The following ADAMTSL1 variants were observed in gnomAD, a reference collection of about 807,000 sequenced individuals.
The protein encoded by ADAMTSL1 is ADAMTS-like protein 1.
Under a neutral mutation model 201.8 loss-of-function variants are expected in ADAMTSL1, and 126 were observed. The ratio of observed to expected loss-of-function variants is 0.62; its 90% confidence interval spans 0.54 to 0.72. ADAMTSL1 has a LOEUF of 0.72. ADAMTSL1 is among the 30% of genes least tolerant of loss of function. The pLI, the probability that ADAMTSL1 is intolerant of heterozygous loss-of-function variation, is 0.00. For synonymous variants in ADAMTSL1, 1,121 were observed against 903.4 expected (o/e 1.24, Z -4.32); for missense variants, 2,679 against 2,277.8 (o/e 1.18, Z -3.59).
intron 13 of ADAMTSL1, among the ~76,000 whole-genome samples, chr9:18,691,345 G>C (rs976915867): frequency 6.6e-6 from 1 of 152,130 alleles, no homozygotes; most frequent in African/African-American, 2.4e-5. Context: ...GATATGAACC[G>C]ATGTTTGACA....
At chr9:17,933,846 T>C (rs926476141) in intron 1 of ADAMTSL1, among the ~76,000 whole-genome samples, 1 of 152,104 alleles carries the variant, frequency 6.6e-6, no homozygotes, top group Admixed American at 6.6e-5. Context: ...CTTTGAACAA[T>C]GGGGATTACA....
intron 2 of ADAMTSL1, among the ~76,000 whole-genome samples, chr9:18,164,944 C>G (rs1419480593): frequency 6.6e-6 from 1 of 151,752 alleles, no homozygotes; most frequent in Non-Finnish European, 1.5e-5. Context: ...TCATGGTGAG[C>G]ATTCACATCT....
intron 5 of ADAMTSL1, 74 bp from the exon 6 acceptor site, chr9:18,635,869 C>A: frequency 1.5e-6 from 2 of 1,297,024 alleles, no homozygotes; most frequent in Non-Finnish European, 2.2e-6. Flanking sequence ...GAAGTCAGTG[C>A]CTTTATTTAG....
intron 1 of ADAMTSL1, among the ~76,000 whole-genome samples, chr9:17,979,402 A>C (rs1818592670): frequency 6.6e-6 from 1 of 152,042 alleles, no homozygotes; most frequent in Non-Finnish European, 1.5e-5. Context: ...GATAATTTCA[A>C]ATGTCCTGTC....
intron 2 of ADAMTSL1, among the ~76,000 whole-genome samples, chr9:18,416,845 C>T (rs1237793594): frequency 6.6e-6 from 1 of 151,902 alleles, no homozygotes; most frequent in Non-Finnish European, 1.5e-5. Context: ...AATACTCCTC[C>T]CTCAATAATT....
intron 1 of ADAMTSL1, among the ~76,000 whole-genome samples, chr9:17,940,287 G>A (rs530484812): frequency 1.2e-4 from 19 of 152,248 alleles, no homozygotes; most frequent in Admixed American, 1.2e-3. Flanking sequence ...GACAACTGCA[G>A]AGATGATTTG....
At chr9:17,924,220 C>T (rs1378856128) in intron 1 of ADAMTSL1, among the ~76,000 whole-genome samples, 1 of 151,816 alleles carries the variant, frequency 6.6e-6, no homozygotes, top group Non-Finnish European at 1.5e-5. Flanking sequence ...CTCCTTGTAC[C>T]TCTGGTAGAA....
chr9:18,067,650 C>A (rs578126630), intron 1 of ADAMTSL1, among the ~76,000 whole-genome samples: 1 of 152,230 alleles, frequency 6.6e-6, no homozygotes, highest in South Asian at 2.1e-4. Context: ...GATGGAGGGG[C>A]GGTGAAATAC....
intron 2 of ADAMTSL1, among the ~76,000 whole-genome samples, chr9:18,418,616 A>C (rs1818798919): frequency 6.6e-6 from 1 of 152,228 alleles, no homozygotes; most frequent in Non-Finnish European, 1.5e-5. Context: ...AAAATGGGGA[A>C]AATGATATAG....
At chr9:18,202,313 A>T (rs185234235) in intron 2 of ADAMTSL1, among the ~76,000 whole-genome samples, 1 of 152,242 alleles carries the variant, frequency 6.6e-6, no homozygotes, top group Non-Finnish European at 1.5e-5. Flanking sequence ...GCTATATAAT[A>T]TTCAAACAAT....
chr9:18,154,076 G>T (rs1827040353), intron 1 of ADAMTSL1, among the ~76,000 whole-genome samples: 1 of 151,930 alleles, frequency 6.6e-6, no homozygotes, highest in Non-Finnish European at 1.5e-5. Context: ...CACCTATCAT[G>T]ATCTTAAAAT....
intron 3 of ADAMTSL1, among the ~76,000 whole-genome samples, chr9:18,555,631 C>G (rs975887245): frequency 1.3e-5 from 2 of 151,934 alleles, no homozygotes; most frequent in East Asian, 3.9e-4. Context: ...GCACAGGGTG[C>G]TATGGCATCC....
chr9:18,169,651 A>G (rs934984286), intron 2 of ADAMTSL1, among the ~76,000 whole-genome samples: 4 of 152,076 alleles, frequency 2.6e-5, no homozygotes, highest in Non-Finnish European at 2.9e-5. Context: ...AGTTTTTTCC[A>G]ATTCTGTGAA....
intron 1 of ADAMTSL1, among the ~76,000 whole-genome samples, chr9:18,493,281 C>G (rs543351151): frequency 6.6e-6 from 1 of 152,306 alleles, no homozygotes; most frequent in African/African-American, 2.4e-5. Context: ...CTTTACATCT[C>G]TCTGTGATCT....
intron 5 of ADAMTSL1, among the ~76,000 whole-genome samples, chr9:18,627,321 G>A (rs974247835): frequency 6.6e-6 from 1 of 152,064 alleles, no homozygotes; most frequent in Admixed American, 6.6e-5. Context: ...GTGAGTAGTG[G>A]TATTTCATAC....
Position 17,931,278 on chromosome 9 carries a change from A to C in ADAMTSL1, c.87+24356A>C, listed in dbSNP as rs1288149604. 2.0e-5 allele frequency among the ~76,000 whole-genome samples: 3 copies of C among 152,170 alleles called. No individual in the cohort carries two copies. The East Asian group carries it at 5.8e-4, about 29-fold the overall frequency. Reference sequence around the variant, plus strand: ...TCGAGCCCGGGTGCTGCTTTTGTGCACAGTTTGTGGCCTCTCTCTTAACTC... The same window carrying C: ...TCGAGCCCGGGTGCTGCTTTTGTGCCCAGTTTGTGGCCTCTCTCTTAACTC... On this transcript the variant is annotated intron_variant, in intron 1 of 29. Coordinates refer to the ADAMTSL1 transcript ENST00000680146.
chr9:18,309,608 A>G (rs1321871773), intron 2 of ADAMTSL1, among the ~76,000 whole-genome samples: 1 of 152,130 alleles, frequency 6.6e-6, no homozygotes, highest in Non-Finnish European at 1.5e-5. Flanking sequence ...AGAATAAAAT[A>G]CCTAGGAGTA....
chr9:18,023,366 A>G (rs1820560745), intron 1 of ADAMTSL1, among the ~76,000 whole-genome samples: 1 of 151,980 alleles, frequency 6.6e-6, no homozygotes, highest in Admixed American at 6.6e-5. Flanking sequence ...CCTTGTGAAC[A>G]CTCATCTAGG....
intron 13 of ADAMTSL1, among the ~76,000 whole-genome samples, chr9:18,694,907 C>T (rs974260126): frequency 3.9e-5 from 6 of 152,208 alleles, no homozygotes; most frequent in African/African-American, 1.2e-4. Context: ...CAAGCATTTC[C>T]GTACATCCTC....
Sources: gnomAD v4.1 joint callset for allele counts (sites outside exome capture counted in the v4.1 genomes callset) on GRCh38, gnomAD v4.1.1 for gene constraint, MANE v1.5 for transcripts, NCBI Gene and HGNC (gene_info 2026-07-23, HGNC 2026-07-21) for gene names.